RTN4: variants seen among roughly 807,000 people sequenced by gnomAD.
RTN4 encodes reticulon-4.
RTN4 carries 32 observed loss-of-function variants against 90.4 expected under a neutral mutation model. That is an observed-to-expected ratio of 0.35 (90% confidence interval 0.27 to 0.48). RTN4 has a LOEUF of 0.48. Ranked by LOEUF, RTN4 falls within the 20% of genes least tolerant of loss-of-function variation. The pLI is 0.99. For missense variants in RTN4, 1,706 were observed against 1,430.2 expected (o/e 1.19, Z -3.11); for synonymous variants, 629 against 552.5 (o/e 1.14, Z -1.94).
chr2:55,134,660 C>T, the RTN4 span, among the ~76,000 whole-genome samples: 1 of 152,130 alleles, frequency 6.6e-6, no homozygotes, highest in African/African-American at 2.4e-5. Flanking sequence ...GTGGGTGAAG[C>T]GGGAGGTGGG....
At chr2:55,078,711 A>G (rs184588157) in intron 2 of RTN4, among the ~76,000 whole-genome samples, 23 of 152,342 alleles carry the variant, frequency 1.5e-4, no homozygotes, top group Non-Finnish European at 3.1e-4. Context: ...TTGTAAACAC[A>G]GAGTAAATGT....
At chr2:55,085,912 G>A (rs185413067) in intron 1 of RTN4, among the ~76,000 whole-genome samples, 1 of 152,302 alleles carries the variant, frequency 6.6e-6, no homozygotes, top group East Asian at 1.9e-4. Flanking sequence ...TACATCTTGT[G>A]TAATCTTCAC....
At chr2:54,992,168 A>G (rs113187462) in intron 3 of RTN4, among the ~76,000 whole-genome samples, 12 of 152,174 alleles carry the variant, frequency 7.9e-5, no homozygotes, top group African/African-American at 2.7e-4. Flanking sequence ...TTAAACAAAC[A>G]AACAAACCTA....
At chr2:55,097,821 A>T (rs1244279460) in intron 1 of RTN4, among the ~76,000 whole-genome samples, 3 of 152,054 alleles carry the variant, frequency 2.0e-5, no homozygotes, top group African/African-American at 7.3e-5. Flanking sequence ...AGGGCTGGAG[A>T]TAAGGATTTC....
intron 5 of RTN4, among the ~76,000 whole-genome samples, chr2:54,982,016 G>A (rs935982969): frequency 1.3e-5 from 2 of 151,822 alleles, no homozygotes; most frequent in Admixed American, 6.6e-5. Context: ...ATGCAATGGC[G>A]TGACCTCAGC....
rs1677364623 is a variant in RTN4, at chr2:54,973,837, A to G, written c.3461T>C (p.Ile1154Thr). The change falls in exon 7 of 9, where the codon ATT becomes ACT. Residue 1154 changes from isoleucine to threonine, a missense_variant. By Grantham distance (89) the Ile-to-Thr change is moderately conservative. Transcript: ENST00000337526. ...GGAAATTACCTGATGCCGTTCATAA[A>G]TAACAGGAACACTGAAGAGTGAAAT... ...ALISLFSVPV[I>T]YERHQAQIDH... The G allele has an allele frequency of 2.5e-6, 4 of 1,613,552 alleles. No homozygotes were observed. The highest frequency in any genetic ancestry group is 1.7e-5 in the Admixed American group (1 of 59,948).
At chr2:55,034,320 G>C (rs564033826) in intron 1 of RTN4, among the ~76,000 whole-genome samples, 5 of 152,140 alleles carry the variant, frequency 3.3e-5, no homozygotes, top group African/African-American at 1.2e-4. Context: ...AGGCAACAAA[G>C]TGAGACCCCA....
At chr2:55,093,749 T>G (rs1668983521) in intron 1 of RTN4, among the ~76,000 whole-genome samples, 1 of 152,190 alleles carries the variant, frequency 6.6e-6, no homozygotes. Flanking sequence ...CTCCTCTGAT[T>G]ACAGCCAGAG....
intron 3 of RTN4, among the ~76,000 whole-genome samples, chr2:54,993,074 GGAAA>G (rs1391420814): frequency 2.5e-5 from 2 of 79,016 alleles, no homozygotes; most frequent in African/African-American, 8.0e-5. Flanking sequence ...ACTCCATCTC[GGAAA>G]AAAAAAAAAA....
intron 1 of RTN4, among the ~76,000 whole-genome samples, chr2:55,045,617 G>C (rs573103264): frequency 7.9e-5 from 12 of 151,944 alleles, no homozygotes; most frequent in Admixed American, 5.9e-4. Context: ...GCTCTAATTC[G>C]AGAAGGGGTG....
chr2:55,049,634 A>C (rs1350329450), intron 1 of RTN4, 111 bp downstream of exon 1: 2 of 1,512,250 alleles, frequency 1.3e-6, no homozygotes, highest in Admixed American at 4.0e-5. Flanking sequence ...AAGTCCGCAG[A>C]CAAAGCGCCC....
intron 3 of RTN4, among the ~76,000 whole-genome samples, chr2:55,023,692 A>G (rs904058210): frequency 6.6e-6 from 1 of 151,908 alleles, no homozygotes; most frequent in African/African-American, 2.4e-5. Flanking sequence ...TAATATTTTA[A>G]TTTTTCTCCA....
At chr2:55,019,415 C>T (rs4672005) in intron 3 of RTN4, among the ~76,000 whole-genome samples, 103,750 of 152,072 alleles carry the variant, frequency 0.68, 36,746 homozygotes, top group African/African-American at 0.89. Flanking sequence ...TTATCATCTG[C>T]AAGGGAGAAA....
At chr2:54,982,837 T>A (rs1443704514) in intron 4 of RTN4, among the ~76,000 whole-genome samples, 184 bp from the exon 5 acceptor site, 1 of 152,218 alleles carries the variant, frequency 6.6e-6, no homozygotes, top group Admixed American at 6.5e-5. Context: ...CACTGTCTGC[T>A]GACTAGCACA....
intron 3 of RTN4, among the ~76,000 whole-genome samples, chr2:55,023,435 A>G (rs1433487085): frequency 1.3e-5 from 2 of 152,038 alleles, no homozygotes; most frequent in African/African-American, 2.4e-5. Context: ...ACAAACATAA[A>G]CCATCAAATA....
chr2:55,050,460 T>G, upstream of RTN4: 1 of 411,488 alleles, frequency 2.4e-6, no homozygotes. This position sits in a 1 kb window ranked among gnomAD's most constrained non-coding sequence, Gnocchi z 4.6. Flanking sequence ...ATGAGACTGC[T>G]CCTCCTGCCT....
rs201374523 is a variant in RTN4 at position 55,026,305 on chromosome 2, T to C, written c.1794A>G (p.Pro598=). 1.1e-5 allele frequency: 17 copies of C among 1,613,866 alleles called. No homozygotes were observed. Among genetic ancestry groups the C allele is most frequent in the African/African-American group, 6.7e-5 (5 of 74,914 alleles). ...GAGTAGCTTCTGACTCTTCAAATGA[T>C]GGGCAAAGCTGTGCTGCAGGATAGA... ...ESLYPAAQLC[P]SFEESEATPS... Residue 598 remains proline (P), a synonymous_variant, in exon 3 of 9, where the codon CCA becomes CCG. Coordinates refer to ENST00000337526, the MANE Select transcript of RTN4 (RefSeq NM_020532.5).
chr2:55,002,783 G>A (rs1042171435), intron 3 of RTN4, among the ~76,000 whole-genome samples: 3 of 152,024 alleles, frequency 2.0e-5, no homozygotes, highest in Non-Finnish European at 4.4e-5. Context: ...TCACTTTAAC[G>A]ATTTTTCAAT....
chr2:55,017,617 ATTAAG>A (rs939588992), intron 3 of RTN4, among the ~76,000 whole-genome samples: 10 of 152,210 alleles, frequency 6.6e-5, no homozygotes, highest in African/African-American at 1.9e-4. Context: ...ACAAACATAT[ATTAAG>A]TTATCATTAA....
Sources: gnomAD v4.1 joint callset for allele counts (sites outside exome capture counted in the v4.1 genomes callset) on GRCh38, gnomAD v4.1.1 for gene constraint, Gnocchi (gnomAD v3.1) non-coding constraint, MANE v1.5 for transcripts, NCBI Gene and HGNC (gene_info 2026-07-23, HGNC 2026-07-21) for gene names.